Variants in KAT6B observed in about 807,000 individuals in gnomAD.
KAT6B encodes the protein lysine acetyltransferase 6B.
In KAT6B, 10 loss-of-function variants were observed where a neutral mutation model predicts 187.5. The ratio of observed to expected loss-of-function variants is 0.05; its 90% CI spans 0.03 to 0.09. The LOEUF is 0.09. KAT6B is among the 10% of genes least tolerant of loss of function. KAT6B has a pLI of 1.00. For synonymous variants in KAT6B, 861 were observed against 926.8 expected, an observed-to-expected ratio of 0.93 and a Z score of 1.29; for missense variants, 1,952 against 2,558.9, an observed-to-expected ratio of 0.76 and a Z score of 5.12.
chr10:75,028,244 G>A (rs1219370238), intron 17 of KAT6B, among the ~76,000 whole-genome samples: 1 of 151,952 alleles, frequency 6.6e-6, no homozygotes, highest in Non-Finnish European at 1.5e-5. Context: ...ATTCAAATAA[G>A]CACATTAGCA....
intron 3 of KAT6B, among the ~76,000 whole-genome samples, chr10:74,894,985 A>G (rs1364088766): frequency 1.3e-5 from 2 of 151,534 alleles, no homozygotes; most frequent in Non-Finnish European, 2.9e-5. Flanking sequence ...ACTGTTCTTT[A>G]TAGCAGCTAC....
intron 1 of KAT6B, among the ~76,000 whole-genome samples, chr10:74,837,981 G>A (rs1186561596): frequency 2.0e-5 from 3 of 152,048 alleles, no homozygotes; most frequent in African/African-American, 4.8e-5. Flanking sequence ...GAGGAGTGGG[G>A]TGTGTGTCGT....
chr10:74,865,333 C>T (rs1259147171), intron 3 of KAT6B, among the ~76,000 whole-genome samples: 1 of 152,128 alleles, frequency 6.6e-6, no homozygotes, highest in African/African-American at 2.4e-5. Context: ...TGTTTTCCTT[C>T]ATAGCTTTGT....
intron 17 of KAT6B, among the ~76,000 whole-genome samples, chr10:75,027,502 T>TTTA (rs1488957469): frequency 7.2e-5 from 11 of 152,118 alleles, no homozygotes; most frequent in African/African-American, 2.7e-4. Flanking sequence ...AAGCTTTTCC[T>TTTA]TTAAATTGAC....
chr10:75,002,568 T>C (rs1397090633), intron 13 of KAT6B, among the ~76,000 whole-genome samples: 4 of 151,888 alleles, frequency 2.6e-5, no homozygotes, highest in African/African-American at 9.7e-5. Flanking sequence ...TCGAAGTCTA[T>C]AGGTTACTAC....
At chr10:75,007,368 A>G (rs1844286606) in intron 13 of KAT6B, among the ~76,000 whole-genome samples, 1 of 152,174 alleles carries the variant, frequency 6.6e-6, no homozygotes, top group African/African-American at 2.4e-5. Context: ...TGAGGACAGT[A>G]TAGGTCAAGT....
chr10:74,842,079 T>C (rs1841782079), intron 2 of KAT6B, among the ~76,000 whole-genome samples: 1 of 152,208 alleles, frequency 6.6e-6, no homozygotes, highest in Non-Finnish European at 1.5e-5. Context: ...AGACCTCTGT[T>C]AAAGGGATGG....
intron 3 of KAT6B, among the ~76,000 whole-genome samples, chr10:74,892,549 C>G (rs1348201563): frequency 6.6e-6 from 1 of 152,144 alleles, no homozygotes; most frequent in African/African-American, 2.4e-5. Context: ...TTATACCCCC[C>G]ATAGCATAAC....
chr10:75,024,709 G>A (rs955191129), intron 16 of KAT6B, among the ~76,000 whole-genome samples: 2 of 152,164 alleles, frequency 1.3e-5, no homozygotes, highest in Non-Finnish European at 2.9e-5. Context: ...CTCCAGTCAA[G>A]CTGCTAGGAT....
In KAT6B at chr10:74,976,215, TAAA is replaced by T; in HGVS notation, c.1881_1883del (p.Lys628del). On this transcript the variant is annotated inframe_deletion, in exon 8 of 18. Coordinates refer to ENST00000287239, the MANE Select transcript of KAT6B (RefSeq NM_012330.4). ...CTCACTTCAAGCGAACAACTTTCCTTAAAAAGCACAGGATGCTAGGCAGATTAA... is the reference window on the plus strand; with the variant it reads ...CTCACTTCAAGCGAACAACTTTCCTTAAGCACAGGATGCTAGGCAGATTAA... The T allele has an allele frequency of 6.2e-7, 1 of 1,614,144 alleles. No individual in the cohort carries two copies. Among genetic ancestry groups the T allele is most frequent in the Non-Finnish European group, 8.5e-7 (1 of 1,180,016 alleles).
intron 13 of KAT6B, among the ~76,000 whole-genome samples, chr10:74,999,136 A>G (rs757331506): frequency 6.6e-6 from 1 of 152,238 alleles, no homozygotes; most frequent in Non-Finnish European, 1.5e-5. Context: ...GCCAGAGTCA[A>G]TGGAGGCCTG....
intron 3 of KAT6B, among the ~76,000 whole-genome samples, chr10:74,877,986 A>G (rs1394259116): frequency 6.6e-6 from 1 of 152,158 alleles, no homozygotes; most frequent in East Asian, 1.9e-4. Context: ...CAAATAAGAA[A>G]TATATATATT....
intron 3 of KAT6B, among the ~76,000 whole-genome samples, chr10:74,855,306 G>A (rs958948977): frequency 3.3e-5 from 5 of 152,192 alleles, no homozygotes; most frequent in African/African-American, 1.2e-4. Flanking sequence ...GACTGTTTCT[G>A]TTAGTAGTTT....
At chr10:74,891,721 T>A (rs1019229285) in intron 3 of KAT6B, among the ~76,000 whole-genome samples, 1 of 152,248 alleles carries the variant, frequency 6.6e-6, no homozygotes, top group Non-Finnish European at 1.5e-5. Context: ...GATGGCAGAT[T>A]GTGGTAGTGA....
At chr10:74,971,328 G>A (rs1841834637) in intron 6 of KAT6B, among the ~76,000 whole-genome samples, 1 of 152,202 alleles carries the variant, frequency 6.6e-6, no homozygotes, top group African/African-American at 2.4e-5. Flanking sequence ...CTGTCCAGCA[G>A]TATAGAAGGA....
intron 1 of KAT6B, among the ~76,000 whole-genome samples, chr10:74,829,728 G>A (rs370621978): frequency 2.6e-5 from 4 of 151,170 alleles, no homozygotes; most frequent in East Asian, 4.0e-4. Context: ...TAAATAAATA[G>A]TTTTATGTGG....
intron 3 of KAT6B, among the ~76,000 whole-genome samples, chr10:74,919,664 A>G (rs1259588301): frequency 6.6e-6 from 1 of 152,120 alleles, no homozygotes; most frequent in East Asian, 1.9e-4. Context: ...AGGCCTCCCA[A>G]AGTGCTGGGA....
intron 3 of KAT6B, among the ~76,000 whole-genome samples, chr10:74,862,997 G>A (rs990093360): frequency 2.0e-5 from 3 of 152,092 alleles, no homozygotes; most frequent in East Asian, 1.9e-4. Context: ...GCTAGAATCC[G>A]TTTCTCTTTG....
chr10:74,830,320 A>T (rs946979171), intron 1 of KAT6B, among the ~76,000 whole-genome samples: 1 of 152,130 alleles, frequency 6.6e-6, no homozygotes, highest in Admixed American at 6.5e-5. Context: ...GTTTGGGGCA[A>T]TTGTGAACAA....
Sources: gnomAD v4.1 joint callset for allele counts (sites outside exome capture counted in the v4.1 genomes callset) on GRCh38, gnomAD v4.1.1 for gene constraint, MANE v1.5 for transcripts, NCBI Gene and HGNC (gene_info 2026-07-23, HGNC 2026-07-21) for gene names.